Variants in TNRC6A observed in about 807,000 individuals in gnomAD.
TNRC6A encodes trinucleotide repeat-containing gene 6A protein.
In TNRC6A, 44 loss-of-function variants were observed where a neutral mutation model predicts 221.2. The observed-to-expected ratio is 0.20, with a 90% CI of 0.16 to 0.26. The LOEUF (loss-of-function observed/expected upper bound fraction) is 0.26, where lower values mean the gene tolerates loss of function less well. Ranked by LOEUF, TNRC6A falls within the 10% of genes least tolerant of loss-of-function variation. TNRC6A has a pLI of 1.00. For synonymous variants in TNRC6A, 847 were observed against 838.5 expected (o/e 1.01, Z -0.18); for missense variants, 2,199 against 2,404.4 (o/e 0.91, Z 1.79).
chr16:24,721,396 C>T (rs910899796), intron 2 of TNRC6A, among the ~76,000 whole-genome samples: 2 of 152,106 alleles, frequency 1.3e-5, no homozygotes, highest in South Asian at 2.1e-4. Context: ...AGGCTGGGTG[C>T]GGTGGCTCAT....
intron 2 of TNRC6A, among the ~76,000 whole-genome samples, chr16:24,731,750 G>T (rs1281893800): frequency 1.3e-5 from 2 of 152,190 alleles, no homozygotes; most frequent in African/African-American, 4.8e-5. Flanking sequence ...TGTGCCACAG[G>T]TATAATTTTA....
At chr16:24,705,119 T>C (rs1026055961) in intron 2 of TNRC6A, among the ~76,000 whole-genome samples, 7 of 152,212 alleles carry the variant, frequency 4.6e-5, no homozygotes, top group African/African-American at 1.2e-4. Context: ...ACCTTATTTA[T>C]ATTTATTCAC....
At chr16:24,715,605 C>CTTT (rs58843836) in intron 2 of TNRC6A, among the ~76,000 whole-genome samples, 5,560 of 127,106 alleles carry the variant, frequency 0.044, 375 homozygotes, top group East Asian at 0.28. Flanking sequence ...TGAGTAGTTT[C>CTTT]TTTTTTTTTT....
chr16:24,785,634 T>G (rs1276195670), intron 5 of TNRC6A, among the ~76,000 whole-genome samples: 1 of 152,210 alleles, frequency 6.6e-6, no homozygotes, highest in East Asian at 1.9e-4. Context: ...CTGGACCAAA[T>G]AGTAGTATTG....
At position 24,729,797 on chromosome 16, in the gene TNRC6A, C is replaced by G; in HGVS notation, c.-45C>G. The stretch of plus-strand genomic sequence containing the variant: ...GGCGCTGCGGAGGGCTTGAGGCTCG[C>G]GAGCCTCCTTCGCCGCGCCCCACTT... On this transcript the variant is annotated 5_prime_UTR_variant, in exon 1 of 25. Transcript: ENST00000395799. The G allele has an allele frequency of 6.4e-6, 9 of 1,405,002 alleles. No homozygotes were observed. Among genetic ancestry groups the G allele is most frequent in the Non-Finnish European group, 8.4e-6 (9 of 1,072,846 alleles). The allele number at this position is 1,405,002 out of a possible 1,614,324, so 87.0% of individuals were successfully genotyped here.
intron 18 of TNRC6A, 127 bp downstream of exon 18, chr16:24,809,608 T>TA (rs1021440799): frequency 1.8e-5 from 22 of 1,205,516 alleles, no homozygotes; most frequent in Middle Eastern, 3.0e-4. Flanking sequence ...TTTCCTCATT[T>TA]AAAAAAAGTT....
intron 4 of TNRC6A, among the ~76,000 whole-genome samples, chr16:24,771,582 T>TTATGTTATGTTTTATGTTATGTTA: frequency 1.0e-5 from 1 of 95,480 alleles, no homozygotes; most frequent in Non-Finnish European, 2.0e-5. Context: ...TTATGTTATG[T>TTATGTTATGTTTTATGTTATGTTA]TGTTATGTTA....
intron 1 of TNRC6A, among the ~76,000 whole-genome samples, chr16:24,636,745 TA>T (rs1043568355): frequency 6.6e-6 from 1 of 152,230 alleles, no homozygotes; most frequent in Non-Finnish European, 1.5e-5. Flanking sequence ...TTTTGTTCCT[TA>T]ATTTTTAATT....
chr16:24,710,707 A>G (rs980082064), intron 2 of TNRC6A, among the ~76,000 whole-genome samples: 1 of 150,642 alleles, frequency 6.6e-6, no homozygotes, highest in Non-Finnish European at 1.5e-5. Context: ...CTTAAATATT[A>G]TTTTTGTTTC....
At chr16:24,625,261 C>T (rs1410851756) in intron 1 of TNRC6A, among the ~76,000 whole-genome samples, 2 of 152,186 alleles carry the variant, frequency 1.3e-5, no homozygotes, top group African/African-American at 2.4e-5. Flanking sequence ...TGACTCTTCC[C>T]TAACAGTTGA....
In TNRC6A at chr16:24,658,646, C is replaced by A. The variant is rs1172617177; in HGVS notation, n.402+17637C>A. 5.3e-5 allele frequency among the ~76,000 whole-genome samples: 8 copies of A among 152,072 alleles called. No individual in the cohort carries two copies. In the South Asian group the frequency reaches 1.0e-3, roughly 20 times the overall value. On this transcript the variant is annotated intron_variant and non_coding_transcript_variant, in intron 2 of 2. Coordinates refer to the TNRC6A transcript ENST00000566108. ...GTGCTGGGATTACAGGTATGAGCCA[C>A]AGAGCCCCACCCACCCTGTTTCTAA...
intron 2 of TNRC6A, among the ~76,000 whole-genome samples, chr16:24,656,308 C>CA (rs897345020): frequency 8.5e-4 from 128 of 149,940 alleles, no homozygotes; most frequent in African/African-American, 2.9e-3. Flanking sequence ...ACTAAAAATA[C>CA]AAAAAAAAAT....
chr16:24,800,836 A>G (rs549147524), intron 11 of TNRC6A, among the ~76,000 whole-genome samples: 6 of 152,302 alleles, frequency 3.9e-5, no homozygotes, highest in African/African-American at 1.4e-4. Context: ...AGGGCTGCCC[A>G]TGCCTACCAA....
intron 1 of TNRC6A, among the ~76,000 whole-genome samples, chr16:24,636,973 G>A (rs1234375478): frequency 6.6e-6 from 1 of 152,108 alleles, no homozygotes; most frequent in Non-Finnish European, 1.5e-5. Context: ...CATACCTGGG[G>A]CCCCATCAGA....
intron 21 of TNRC6A, among the ~76,000 whole-genome samples, chr16:24,819,136 G>A (rs542536489): frequency 2.0e-5 from 3 of 152,122 alleles, no homozygotes; most frequent in Non-Finnish European, 2.9e-5. Flanking sequence ...CTACATATGC[G>A]CACTCTGGAT....
At chr16:24,671,030 A>G (rs962271371) in intron 2 of TNRC6A, 4 of 380,940 alleles carry the variant, frequency 1.1e-5, no homozygotes, top group Non-Finnish European at 2.2e-5. Context: ...TCGCCAGCCA[A>G]TCTCCTTTCC....
chr16:24,818,571 A>T, intron 20 of TNRC6A, 22 bp from the exon 21 acceptor site: 1 of 1,601,994 alleles, frequency 6.2e-7, no homozygotes, highest in Non-Finnish European at 8.6e-7. Context: ...CTGGTGGCTG[A>T]TTGGACTCTT....
chr16:24,770,457 C>T (rs2057566770), intron 4 of TNRC6A, among the ~76,000 whole-genome samples: 1 of 151,926 alleles, frequency 6.6e-6, no homozygotes, highest in Admixed American at 6.6e-5. Context: ...TTGTTGAGGG[C>T]CTAAATCAAA....
intron 2 of TNRC6A, among the ~76,000 whole-genome samples, chr16:24,732,247 G>A (rs1231073719): frequency 6.6e-6 from 1 of 152,194 alleles, no homozygotes; most frequent in Non-Finnish European, 1.5e-5. Flanking sequence ...ATCTCTAGCT[G>A]TGTTTCCTTT....
Sources: gnomAD v4.1 joint callset for allele counts (sites outside exome capture counted in the v4.1 genomes callset) on GRCh38, gnomAD v4.1.1 for gene constraint, MANE v1.5 for transcripts, NCBI Gene and HGNC (gene_info 2026-07-23, HGNC 2026-07-21) for gene names.